ZNF224: variants seen among roughly 807,000 people sequenced by gnomAD.
ZNF224 encodes the protein bone marrow zinc finger 2.
A neutral mutation model predicts 10.5 loss-of-function variants in ZNF224; 8 were observed. The ratio of observed to expected loss-of-function variants is 0.76; its 90% CI spans 0.45 to 1.37. The LOEUF (loss-of-function observed/expected upper bound fraction) is 1.37. Ranked by LOEUF, ZNF224 falls within the 40% of genes most tolerant of loss-of-function variation. The pLI is 0.00. For synonymous variants in ZNF224, 282 were observed against 287.8 expected (o/e 0.98, Z 0.20); for missense variants, 754 against 854.0 (o/e 0.88, Z 1.46).
chr19:44,108,886 G>T lies in ZNF224; in HGVS notation c.*602G>T, dbSNP rs569103671. On this transcript the variant is annotated 3_prime_UTR_variant, in exon 6 of 6. Transcript: ENST00000693561. The stretch of plus-strand genomic sequence containing the variant: ...TGAAATGCAGAGTAAACTCAGTACT[G>T]CAATCCATAGCAATATTTTGCATAT... 75 of 238,734 alleles carry T rather than the reference G, an allele frequency of 3.1e-4. No homozygotes were observed. Among genetic ancestry groups the T allele is most frequent in the Admixed American group, 1.3e-3 (29 of 21,558 alleles). 14.8% of individuals were successfully genotyped at this position (238,734 alleles called of 1,614,324 possible). A position where few individuals can be genotyped will look rare whatever the true frequency, so the allele number is the denominator to read the frequency against.
intron 5 of ZNF224, among the ~76,000 whole-genome samples, chr19:44,102,850 T>C (rs1314464756): frequency 6.6e-6 from 1 of 152,204 alleles, no homozygotes; most frequent in Non-Finnish European, 1.5e-5. Flanking sequence ...TGTCAGATAA[T>C]AACCAGCTTC....
Position 44,109,451 on chromosome 19 carries a change from A to G in ZNF224, c.*1167A>G, listed in dbSNP as rs908665079. Reference sequence around the variant, plus strand: ...AAAATGGAGTTTGGTAATTTCATCAAATATATTCATTATTGGGGGCAGGAG... The same window carrying G: ...AAAATGGAGTTTGGTAATTTCATCAGATATATTCATTATTGGGGGCAGGAG... On this transcript the variant is annotated 3_prime_UTR_variant, in exon 6 of 6. Coordinates refer to ENST00000693561, the MANE Select transcript of ZNF224 (RefSeq NM_001321645.3). The G allele has an allele frequency of 1.3e-5, 2 of 152,174 alleles. No homozygotes were observed. Among genetic ancestry groups the G allele is most frequent in the Admixed American group, 6.6e-5 (1 of 15,266 alleles). The allele number at this position is 152,174 out of a possible 1,614,324, so 9.4% of individuals were successfully genotyped here. A position where few individuals can be genotyped will look rare whatever the true frequency, so the allele number is the denominator to read the frequency against.
intron 1 of ZNF224, chr19:44,095,102 A>G: frequency 4.4e-6 from 1 of 229,624 alleles, no homozygotes; most frequent in Non-Finnish European, 9.3e-6. Flanking sequence ...CCCCAACCCG[A>G]CCTTTCCAGA....
rs781435752 is a variant in ZNF224, at chr19:44,108,831, C to A, written c.*547C>A. The A allele has an allele frequency of 9.8e-5, 40 of 408,234 alleles. No homozygotes were observed. The highest frequency in any genetic ancestry group is 1.8e-4 in the Non-Finnish European group (35 of 191,286). 25.3% of individuals were successfully genotyped at this position (408,234 alleles called of 1,614,324 possible). Reference sequence around the variant, plus strand: ...ATTTTGTGTATCCAAAAAGGGAAGCCTGCAAAAAATAATTCTGGGAAACAT... The same window carrying A: ...ATTTTGTGTATCCAAAAAGGGAAGCATGCAAAAAATAATTCTGGGAAACAT... On this transcript the variant is annotated 3_prime_UTR_variant, in exon 6 of 6. Transcript: ENST00000693561.
At chr19:44,102,824 T>C (rs1967576608) in intron 5 of ZNF224, among the ~76,000 whole-genome samples, 2 of 152,164 alleles carry the variant, frequency 1.3e-5, no homozygotes, top group South Asian at 2.1e-4. Flanking sequence ...GGGAAAAAAT[T>C]CTCCATTTTG....
intron 3 of ZNF224, among the ~76,000 whole-genome samples, chr19:44,099,208 G>C (rs1028140384): frequency 6.6e-6 from 1 of 152,120 alleles, no homozygotes; most frequent in African/African-American, 2.4e-5. Context: ...ACCTTGGGAG[G>C]GGGGCATCTT....
Position 44,108,009 on chromosome 19 carries a change from C to T in ZNF224, c.1849C>T (p.Arg617Cys), listed in dbSNP as rs368686614. 75 of 1,613,940 alleles carry T rather than the reference C, an allele frequency of 4.6e-5. No homozygotes were observed. Among genetic ancestry groups the T allele is most frequent in the South Asian group, 1.9e-4 (17 of 91,066 alleles). ...WSSTRLTHQR[R>C]HSRETPLKCE... Reference sequence around the variant, plus strand: ...CTCAACTCGTCTGACCCATCAGAGACGCCACAGCAGAGAAACACCTCTCAA... The same window carrying T: ...CTCAACTCGTCTGACCCATCAGAGATGCCACAGCAGAGAAACACCTCTCAA... Residue 617 changes from arginine (R) to cysteine (C), a missense_variant, in exon 6 of 6, where the codon CGC becomes TGC. By Grantham distance (180) the Arg-to-Cys change is radical. Transcript: ENST00000693561.
chr19:44,102,537 G>A (rs144177262), intron 5 of ZNF224, among the ~76,000 whole-genome samples: 5 of 152,254 alleles, frequency 3.3e-5, no homozygotes, highest in African/African-American at 1.2e-4. Context: ...ACAAACTACG[G>A]TGAAAGAGAG....
intron 3 of ZNF224, among the ~76,000 whole-genome samples, chr19:44,099,778 GA>G (rs1375901951): frequency 2.0e-5 from 3 of 151,814 alleles, no homozygotes; most frequent in African/African-American, 7.3e-5. Context: ...GCTATGTTAA[GA>G]AAAACCAGAA....
At chr19:44,099,233 G>A (rs1389933659) in intron 3 of ZNF224, among the ~76,000 whole-genome samples, 4 of 152,088 alleles carry the variant, frequency 2.6e-5, no homozygotes, top group Non-Finnish European at 5.9e-5. Flanking sequence ...TCCTGTCGTA[G>A]TACCTCTTCC....
chr19:44,102,008 G>C (rs1967557549), intron 5 of ZNF224, among the ~76,000 whole-genome samples: 2 of 152,058 alleles, frequency 1.3e-5, no homozygotes, highest in African/African-American at 4.8e-5. Context: ...CTGTTCTCTG[G>C]TTAACTGACT....
At position 44,107,310 on chromosome 19, in the gene ZNF224, GCCT is replaced by G; in HGVS notation, c.1152_1154del (p.Ser385del). On this transcript the variant is annotated inframe_deletion, in exon 6 of 6. Transcript: ENST00000693561. ...AGAGTGTGGGAAGAGCTTCAGATGGGCCTCGTGTCTTTTGAAACATCAGCGAGT... is the reference window on the plus strand; with the variant it reads ...AGAGTGTGGGAAGAGCTTCAGATGGGCGTGTCTTTTGAAACATCAGCGAGT... The G allele has an allele frequency of 6.3e-7, 1 of 1,585,172 alleles. No individual in the cohort carries two copies. Among genetic ancestry groups the G allele is most frequent in the South Asian group, 1.2e-5 (1 of 85,522 alleles).
At chr19:44,096,542 ACTG>A (rs1320752419) in intron 2 of ZNF224, 111 bp downstream of exon 2, 4 of 152,338 alleles carry the variant, frequency 2.6e-5, no homozygotes, top group East Asian at 1.9e-4. Flanking sequence ...CTATCCAAAG[ACTG>A]CTAATAGTAG....
Position 44,106,952 on chromosome 19 carries a change from A to G in ZNF224, c.792A>G (p.Glu264=), listed in dbSNP as rs1967681641. ...GAGAGAAACCTTATAATTGTGAGGA[A>G]TGCGGGAAGGCCTTCATTCACGATT... The part of the protein sequence containing the change: ...HTGEKPYNCE[E]CGKAFIHDSQ... Residue 264 remains glutamate, a synonymous_variant, in exon 6 of 6, where the codon GAA becomes GAG. Transcript: ENST00000693561. 6.2e-7 allele frequency: 1 copy of G among 1,610,204 alleles called. No homozygotes were observed. The highest frequency in any genetic ancestry group is 2.2e-5 in the East Asian group (1 of 44,844).
intron 5 of ZNF224, 129 bp downstream of exon 5, chr19:44,101,354 C>A (rs1358688746): frequency 2.3e-6 from 2 of 883,758 alleles, no homozygotes; most frequent in East Asian, 2.7e-5. Flanking sequence ...CCATCTTACA[C>A]CTGGTGGCCC....
intron 3 of ZNF224, among the ~76,000 whole-genome samples, chr19:44,098,163 C>T (rs1002562831): frequency 8.5e-5 from 13 of 152,092 alleles, no homozygotes; most frequent in Non-Finnish European, 1.5e-5. Context: ...CTATTTTTAT[C>T]CTGTGATACT....
chr19:44,100,898 TGGAG>T lies in ZNF224; in HGVS notation c.114_117del (p.Glu39ThrfsTer21), dbSNP rs746839434. 2 of 1,613,986 alleles carry T rather than the reference TGGAG, an allele frequency of 1.2e-6. No homozygotes were observed. The highest frequency in any genetic ancestry group is 4.5e-5 in the East Asian group (2 of 44,896). ...AGGAAGCTGTATCGAGATGTGATGC[TGGAG>T]AACTTCAGGAACCTGCTCTCAGTGG... On this transcript the variant is annotated frameshift_variant, in exon 4 of 6. Transcript: ENST00000693561. LOFTEE classifies it high-confidence loss of function.
intron 2 of ZNF224, chr19:44,097,116 T>A (rs1226492133): frequency 4.7e-6 from 1 of 210,582 alleles, no homozygotes; most frequent in Non-Finnish European, 9.9e-6. Flanking sequence ...AAGAATAAAG[T>A]TTCTTAGGAA....
intron 5 of ZNF224, among the ~76,000 whole-genome samples, chr19:44,103,930 A>G (rs1384510284): frequency 6.6e-6 from 1 of 152,184 alleles, no homozygotes; most frequent in Non-Finnish European, 1.5e-5. Context: ...GGCTCAAGCA[A>G]TCTGCCCGCC....
Sources: gnomAD v4.1 joint callset for allele counts (sites outside exome capture counted in the v4.1 genomes callset) on GRCh38, gnomAD v4.1.1 for gene constraint, MANE v1.5 for transcripts, NCBI Gene and HGNC (gene_info 2026-07-23, HGNC 2026-07-21) for gene names.